Variants in PLLP observed in about 807,000 individuals in gnomAD.
PLLP encodes the protein plasmolipin.
In PLLP, 15 loss-of-function variants were observed where a neutral mutation model predicts 19.7. The ratio of observed to expected loss-of-function variants is 0.76; its 90% CI spans 0.51 to 1.17. The LOEUF (loss-of-function observed/expected upper bound fraction) is 1.17. Ranked by LOEUF, PLLP falls within the 50% of genes most tolerant of loss-of-function variation. The pLI is 0.00. For synonymous variants in PLLP, 111 were observed against 116.3 expected, an observed-to-expected ratio of 0.95 and a Z score of 0.29; for missense variants, 255 against 258.3, an observed-to-expected ratio of 0.99 and a Z score of 0.09.
intron 1 of PLLP, among the ~76,000 whole-genome samples, chr16:57,280,712 C>T (rs908128492): frequency 5.3e-5 from 8 of 152,326 alleles, no homozygotes; most frequent in African/African-American, 1.9e-4. Context: ...TTCTCCCCTC[C>T]ACACCACCAG....
chr16:57,275,855 T>C (rs1901147356), intron 1 of PLLP, among the ~76,000 whole-genome samples: 1 of 152,180 alleles, frequency 6.6e-6, no homozygotes, highest in Admixed American at 6.5e-5. Flanking sequence ...GCGCCTTGCA[T>C]TTATAATTTC....
intron 2 of PLLP, among the ~76,000 whole-genome samples, chr16:57,259,975 TAAA>T (rs574093513): frequency 6.6e-4 from 74 of 112,438 alleles, no homozygotes; most frequent in Admixed American, 1.4e-3. Context: ...GGACTTTGTC[TAAA>T]AAAAAAAAAA....
At chr16:57,267,861 G>C (rs2075462414) in intron 1 of PLLP, among the ~76,000 whole-genome samples, 2 of 144,696 alleles carry the variant, frequency 1.4e-5, no homozygotes, top group South Asian at 4.5e-4. Context: ...GGCAACAAGA[G>C]CGAAACTCCG....
Position 57,267,025 on chromosome 16 carries a change from T to C in PLLP, c.136-4955A>G, listed in dbSNP as rs79838112. Among the ~76,000 whole-genome samples, 648 of 152,272 alleles carry C rather than the reference T, an allele frequency of 4.3e-3. 6 individuals carry two copies. Among genetic ancestry groups the C allele is most frequent in the African/African-American group, 0.015 (612 of 41,538 alleles). On this transcript the variant is annotated intron_variant, in intron 1 of 3. Coordinates refer to ENST00000219207, the MANE Select transcript of PLLP (RefSeq NM_015993.3). ...GAGATGTTTTTGTTAAAACCACCTG[T>C]GGCATCAGAGAGAAGATTCGTCACA...
At chr16:57,280,263 T>C (rs191063300) in intron 1 of PLLP, among the ~76,000 whole-genome samples, 2 of 152,336 alleles carry the variant, frequency 1.3e-5, no homozygotes, top group African/African-American at 4.8e-5. Flanking sequence ...CTGTGTGACC[T>C]TGGACAAGTT....
chr16:57,276,495 G>A (rs1901155027), intron 1 of PLLP, among the ~76,000 whole-genome samples: 1 of 151,622 alleles, frequency 6.6e-6, no homozygotes, highest in Non-Finnish European at 1.5e-5. Context: ...GGGAGTCTAA[G>A]GCCAGAGAAT....
intron 2 of PLLP, 83 bp downstream of exon 2, chr16:57,261,814 C>T: frequency 4.0e-6 from 5 of 1,251,284 alleles, no homozygotes; most frequent in Non-Finnish European, 5.8e-6. Context: ...TGTCAGGCCA[C>T]CCCCCCACAC....
At chr16:57,280,862 A>G (rs1008034203) in intron 1 of PLLP, among the ~76,000 whole-genome samples, 20 of 152,338 alleles carry the variant, frequency 1.3e-4, no homozygotes, top group African/African-American at 4.1e-4. Flanking sequence ...AAGAATACTG[A>G]GATTGGTTCT....
chr16:57,266,526 T>C lies in PLLP; in HGVS notation c.136-4456A>G, dbSNP rs1372125204. On this transcript the variant is annotated intron_variant, in intron 1 of 3. Coordinates refer to ENST00000219207, the MANE Select transcript of PLLP (RefSeq NM_015993.3). ...GGTTAATATATTTAACAAATGTCTATGGAGAAGGGGCCAAGAAAGATCTCA... is the reference window on the plus strand; with the variant it reads ...GGTTAATATATTTAACAAATGTCTACGGAGAAGGGGCCAAGAAAGATCTCA... Among the ~76,000 whole-genome samples the C allele has an allele frequency of 4.6e-5, 7 of 152,186 alleles. No homozygotes were observed. In the East Asian group the frequency reaches 5.8e-4, roughly 13 times the overall value.
At chr16:57,264,735 G>C (rs2075451931) in intron 1 of PLLP, among the ~76,000 whole-genome samples, 1 of 152,208 alleles carries the variant, frequency 6.6e-6, no homozygotes, top group African/African-American at 2.4e-5. Flanking sequence ...TGTGGTCCCA[G>C]CTACTTGGGA....
intron 1 of PLLP, among the ~76,000 whole-genome samples, chr16:57,272,393 G>A (rs2146446425): frequency 6.6e-6 from 1 of 152,238 alleles, no homozygotes; most frequent in Admixed American, 6.5e-5. Flanking sequence ...AAGGCAGCTG[G>A]GATAACAAGA....
chr16:57,268,709 A>T (rs190539643), intron 1 of PLLP, among the ~76,000 whole-genome samples: 240 of 152,242 alleles, frequency 1.6e-3, no homozygotes, highest in Non-Finnish European at 2.7e-3. Context: ...GCTAGTCTAG[A>T]ACTCCTAGGC....
chr16:57,269,211 G>A (rs894142670), intron 1 of PLLP, among the ~76,000 whole-genome samples: 2 of 152,188 alleles, frequency 1.3e-5, no homozygotes, highest in Non-Finnish European at 2.9e-5. Flanking sequence ...TCCTGAACAT[G>A]GGCCTCCTCC....
intron 1 of PLLP, among the ~76,000 whole-genome samples, chr16:57,281,565 C>T (rs1901219689): frequency 6.7e-6 from 1 of 149,548 alleles, no homozygotes; most frequent in Non-Finnish European, 1.5e-5. Context: ...GGCTGGAGTG[C>T]CGTGGCGCCA....
intron 2 of PLLP, among the ~76,000 whole-genome samples, chr16:57,261,538 G>C (rs1162657632): frequency 6.6e-6 from 1 of 151,914 alleles, no homozygotes; most frequent in Non-Finnish European, 1.5e-5. Context: ...GAAATAAAGT[G>C]AGACTCCTCT....
At chr16:57,257,990 G>A (rs551188875) in intron 3 of PLLP, among the ~76,000 whole-genome samples, 3 of 152,168 alleles carry the variant, frequency 2.0e-5, no homozygotes, top group Admixed American at 6.5e-5. Context: ...AGACCAGCCT[G>A]GCCAACATGG....
intron 1 of PLLP, among the ~76,000 whole-genome samples, chr16:57,279,695 A>T (rs1178098489): frequency 6.8e-6 from 1 of 147,788 alleles, no homozygotes; most frequent in Non-Finnish European, 1.5e-5. Flanking sequence ...AAAAAAAAGT[A>T]GGGGTCTTAC....
chr16:57,272,491 G>A (rs1402906914), intron 1 of PLLP, among the ~76,000 whole-genome samples: 1 of 152,208 alleles, frequency 6.6e-6, no homozygotes, highest in Non-Finnish European at 1.5e-5. Context: ...AGTATATAGA[G>A]CCTCATCAGT....
At chr16:57,274,286 T>A (rs1397499070) in intron 1 of PLLP, among the ~76,000 whole-genome samples, 6 of 151,794 alleles carry the variant, frequency 4.0e-5, no homozygotes, top group Non-Finnish European at 8.8e-5. Context: ...CCTGGCCCTA[T>A]TTTTTTCTTT....
Sources: gnomAD v4.1 joint callset for allele counts (sites outside exome capture counted in the v4.1 genomes callset) on GRCh38, gnomAD v4.1.1 for gene constraint, MANE v1.5 for transcripts, NCBI Gene and HGNC (gene_info 2026-07-23, HGNC 2026-07-21) for gene names.